The following ULK4 variants were observed in gnomAD, a reference collection of about 807,000 sequenced individuals.
ULK4 encodes inactive serine/threonine-protein kinase ULK4.
In ULK4, 133 loss-of-function variants were observed where a neutral mutation model predicts 160.6. The observed-to-expected ratio is 0.83, with a 90% CI of 0.72 to 0.96. The LOEUF is 0.96. Among genes scored for constraint, ULK4 ranks in the 40% least tolerant of loss-of-function variants. ULK4 has a pLI of 0.00. For synonymous variants in ULK4, 534 were observed against 539.8 expected (o/e 0.99, Z 0.15); for missense variants, 1,580 against 1,499.5 (o/e 1.05, Z -0.89).
chr3:41,694,077 C>T (rs2036403455), intron 27 of ULK4, among the ~76,000 whole-genome samples: 1 of 152,130 alleles, frequency 6.6e-6, no homozygotes, highest in African/African-American at 2.4e-5. Context: ...GAAGCAATTC[C>T]ATAACAATTT....
chr3:41,702,247 C>T lies in ULK4; in HGVS notation c.2781+2810G>A, dbSNP rs56727278. On this transcript the variant is annotated intron_variant, in intron 27 of 36. Coordinates refer to ENST00000301831, the MANE Select transcript of ULK4 (RefSeq NM_017886.4). ...TGAACCTCCACCTCCCAGATTCAAGCGATTCTCCTGTCTCAGCCTCCAGAG... is the reference window on the plus strand; with the variant it reads ...TGAACCTCCACCTCCCAGATTCAAGTGATTCTCCTGTCTCAGCCTCCAGAG... 5.4e-3 allele frequency among the ~76,000 whole-genome samples: 823 copies of T among 152,234 alleles called. 23 individuals carry two copies. The East Asian group carries it at 0.086, about 16-fold the overall frequency.
chr3:41,583,333 T>C (rs2030529133), intron 31 of ULK4, among the ~76,000 whole-genome samples: 1 of 152,222 alleles, frequency 6.6e-6, no homozygotes, highest in Admixed American at 6.5e-5. Flanking sequence ...AATAACCTTT[T>C]ACGGCAATTT....
intron 22 of ULK4, among the ~76,000 whole-genome samples, chr3:41,743,068 G>A (rs2038296385): frequency 6.6e-6 from 1 of 151,692 alleles, no homozygotes; most frequent in Admixed American, 6.6e-5. Context: ...AAGAAATCAT[G>A]CCCAAAAAAT....
intron 22 of ULK4, among the ~76,000 whole-genome samples, chr3:41,753,460 A>T (rs2038695810): frequency 6.6e-6 from 1 of 152,216 alleles, no homozygotes; most frequent in Admixed American, 6.5e-5. Context: ...TCTGGGCTTC[A>T]ATACAGCACG....
chr3:41,850,422 C>A (rs1371170634), intron 17 of ULK4, among the ~76,000 whole-genome samples: 1 of 151,782 alleles, frequency 6.6e-6, no homozygotes, highest in African/African-American at 2.4e-5. Flanking sequence ...GTTTACAGTC[C>A]CACCAACACT....
chr3:41,446,169 C>T (rs1334011788), intron 34 of ULK4, among the ~76,000 whole-genome samples: 2 of 152,112 alleles, frequency 1.3e-5, no homozygotes, highest in African/African-American at 4.8e-5. Flanking sequence ...ATCAAAACCA[C>T]AATGAGATAC....
At chr3:41,911,157 G>A (rs1033232543) in intron 11 of ULK4, among the ~76,000 whole-genome samples, 160 bp downstream of exon 11, 2 of 152,134 alleles carry the variant, frequency 1.3e-5, no homozygotes, top group Admixed American at 6.5e-5. Context: ...CACTGGCCAC[G>A]ACCTAACTGT....
At chr3:41,391,879 C>T (rs1159323146) in intron 35 of ULK4, among the ~76,000 whole-genome samples, 1 of 152,090 alleles carries the variant, frequency 6.6e-6, no homozygotes, top group African/African-American at 2.4e-5. Context: ...ATTCCTTCCA[C>T]CTCTGCTGCA....
intron 32 of ULK4, among the ~76,000 whole-genome samples, chr3:41,503,511 T>G (rs970427804): frequency 6.6e-6 from 1 of 152,226 alleles, no homozygotes; most frequent in Non-Finnish European, 1.5e-5. Context: ...CTTTATGCTA[T>G]GGGCACACCA....
At chr3:41,699,213 C>T (rs945857429) in intron 27 of ULK4, among the ~76,000 whole-genome samples, 4 of 152,104 alleles carry the variant, frequency 2.6e-5, no homozygotes, top group African/African-American at 9.7e-5. Context: ...TCTCACTGAG[C>T]GTAGTGTTTC....
chr3:41,304,571 T>C (rs2079867463), intron 35 of ULK4, among the ~76,000 whole-genome samples: 1 of 152,112 alleles, frequency 6.6e-6, no homozygotes, highest in Non-Finnish European at 1.5e-5. Flanking sequence ...AGAGAAAGTC[T>C]GGGGGCTCAT....
At chr3:41,898,822 G>C (rs1472697377) in intron 13 of ULK4, among the ~76,000 whole-genome samples, 1 of 152,208 alleles carries the variant, frequency 6.6e-6, no homozygotes, top group African/African-American at 2.4e-5. Flanking sequence ...GCCAAGGTAA[G>C]GCTCTATGCC....
At chr3:41,745,415 A>T (rs1184167281) in intron 22 of ULK4, among the ~76,000 whole-genome samples, 1 of 151,750 alleles carries the variant, frequency 6.6e-6, no homozygotes, top group Non-Finnish European at 1.5e-5. Flanking sequence ...AAAATTGACC[A>T]TTCCTCAAAA....
intron 35 of ULK4, among the ~76,000 whole-genome samples, chr3:41,323,235 C>A (rs997075750): frequency 5.9e-5 from 9 of 152,170 alleles, no homozygotes; most frequent in African/African-American, 2.2e-4. Context: ...CCATGCCCGG[C>A]CATTCTTTTA....
intron 17 of ULK4, among the ~76,000 whole-genome samples, chr3:41,850,694 G>C (rs1416894342): frequency 6.6e-6 from 1 of 152,030 alleles, no homozygotes; most frequent in Non-Finnish European, 1.5e-5. Flanking sequence ...GTTCATTGTA[G>C]ATTCTGGATA....
At chr3:41,350,997 G>A (rs2080898215) in intron 35 of ULK4, among the ~76,000 whole-genome samples, 1 of 152,166 alleles carries the variant, frequency 6.6e-6, no homozygotes, top group South Asian at 2.1e-4. Flanking sequence ...CATTCATGTG[G>A]CAGAAATTGA....
chr3:41,307,170 A>AC, intron 35 of ULK4, among the ~76,000 whole-genome samples: 1 of 139,806 alleles, frequency 7.2e-6, no homozygotes, highest in African/African-American at 2.6e-5. Context: ...AAAAAAAAAA[A>AC]AAACTGGAAT....
intron 31 of ULK4, among the ~76,000 whole-genome samples, chr3:41,572,809 G>A (rs2088044939): frequency 6.6e-6 from 1 of 151,504 alleles, no homozygotes; most frequent in African/African-American, 2.4e-5. Context: ...AGCATGATAT[G>A]GGTATTAGAC....
Position 41,455,518 on chromosome 3 carries a change from C to G in ULK4, c.3471G>C (p.Leu1157=). Residue 1157 remains leucine (L), a synonymous_variant, in exon 34 of 37, where the codon CTG becomes CTC. Transcript: ENST00000301831. ...TTACCAGTGGAATGAGCAGGCTAAT[C>G]AGGTCTGTCAGAGGTCTGTTGAGCA... ...LLLLNRPLTD[L]ISLLIPLLPN... 6.2e-7 allele frequency: 1 copy of G among 1,614,026 alleles called. No homozygotes were observed. The highest frequency in any genetic ancestry group is 1.3e-5 in the African/African-American group (1 of 75,046).
Sources: allele counts gnomAD v4.1 joint callset (sites outside exome capture counted in the v4.1 genomes callset), GRCh38; gene constraint gnomAD v4.1.1; transcripts MANE v1.5; gene names NCBI Gene and HGNC (gene_info 2026-07-23, HGNC 2026-07-21).